The following ZNF35 variants were observed in gnomAD, a reference collection of about 807,000 sequenced individuals.
The protein encoded by ZNF35 is zinc finger protein 35.
Under a neutral mutation model 45.9 loss-of-function variants are expected in ZNF35, and 31 were observed. The ratio of observed to expected loss-of-function variants is 0.68; its 90% CI spans 0.51 to 0.91. The LOEUF (loss-of-function observed/expected upper bound fraction) is 0.91. Ranked by LOEUF, ZNF35 falls within the 40% of genes least tolerant of loss-of-function variation. The pLI, the probability that ZNF35 is intolerant of heterozygous loss-of-function variation, is 0.00. For missense variants in ZNF35, 515 were observed against 625.4 expected (o/e 0.82, Z 1.88); for synonymous variants, 205 against 220.2 (o/e 0.93, Z 0.61).
chr3:44,651,347 C>T (rs1006878224), intron 2 of ZNF35, 88 bp downstream of exon 2: 22 of 1,269,686 alleles, frequency 1.7e-5, no homozygotes, highest in East Asian at 7.2e-5. Context: ...TGCTTCCACA[C>T]CTGGAGTCTT....
chr3:44,660,411 A>G lies in ZNF35; in HGVS notation c.*464A>G, dbSNP rs1200110375. The G allele has an allele frequency of 6.5e-6, 1 of 153,684 alleles. No homozygotes were observed. Among genetic ancestry groups the G allele is most frequent in the Non-Finnish European group, 1.4e-5 (1 of 69,088 alleles). 9.5% of individuals were successfully genotyped at this position (153,684 alleles called of 1,614,324 possible). On this transcript the variant is annotated 3_prime_UTR_variant, in exon 4 of 4. Coordinates refer to ENST00000396056, the MANE Select transcript of ZNF35 (RefSeq NM_003420.4). The stretch of plus-strand genomic sequence containing the variant: ...GGAAACCACTTGGGGTAGCAGTTCA[A>G]CAATTCACTTACGAATGTTTATAAG...
chr3:44,650,707 G>A (rs1187050259), intron 1 of ZNF35, among the ~76,000 whole-genome samples: 1 of 152,046 alleles, frequency 6.6e-6, no homozygotes, highest in African/African-American at 2.4e-5. Flanking sequence ...TTTTAATCAG[G>A]AAAAAATCAA....
chr3:44,654,465 T>C (rs1703261563), intron 3 of ZNF35, among the ~76,000 whole-genome samples: 2 of 152,320 alleles, frequency 1.3e-5, no homozygotes, highest in South Asian at 4.1e-4. Flanking sequence ...GTTGGCGGCC[T>C]CCTTCCTATG....
chr3:44,659,627 G>A lies in ZNF35; in HGVS notation c.1264G>A (p.Glu422Lys), dbSNP rs145933265. 44 of 1,613,924 alleles carry A rather than the reference G, an allele frequency of 2.7e-5. No homozygotes were observed. Among genetic ancestry groups the A allele is most frequent in the Admixed American group, 1.5e-4 (9 of 60,020 alleles). The stretch of plus-strand genomic sequence containing the variant: ...TGCAGAGAAACCTTACGACTGCAGC[G>A]AATGTGGGAAAGCCTTCAGTCAGCT... ...HTAEKPYDCS[E>K]CGKAFSQLSC... is the part of the protein sequence containing the mutation. The change falls in exon 4 of 4, where the codon GAA becomes AAA. Residue 422 changes from glutamate (E) to lysine (K), a missense_variant. Physicochemically the swap from Glu to Lys is moderately conservative, Grantham distance 56. Around this residue, in one of 3 missense-constraint regions of ZNF35, gnomAD observed 232 missense variants for 304.6 expected, o/e 0.76. Transcript: ENST00000396056. The surrounding 1 kb of genome is among the most constrained non-coding windows in gnomAD (Gnocchi z 4.3).
chr3:44,652,437 G>A, intron 2 of ZNF35, 120 bp from the exon 3 acceptor site: 6 of 1,138,536 alleles, frequency 5.3e-6, no homozygotes, highest in Non-Finnish European at 7.1e-6. Context: ...TTCCTTTTCT[G>A]TTTTTAAAAA....
rs1199771650 is a variant in ZNF35, at chr3:44,660,135, C to G, written c.*188C>G. 18 of 547,096 alleles carry G rather than the reference C, an allele frequency of 3.3e-5. No individual in the cohort carries two copies. The highest frequency in any genetic ancestry group is 1.2e-5 in the Non-Finnish European group (4 of 335,492). 33.9% of individuals were successfully genotyped at this position (547,096 alleles called of 1,614,324 possible). A position where few individuals can be genotyped will look rare whatever the true frequency, so the allele number is the denominator to read the frequency against. On this transcript the variant is annotated 3_prime_UTR_variant, in exon 4 of 4. Transcript: ENST00000396056. Reference sequence around the variant, plus strand: ...AGGCTAATTTAAAACAAAAAGTAAGCACCTAAAGGCAAGGACTTTGTTTTA... The same window carrying G: ...AGGCTAATTTAAAACAAAAAGTAAGGACCTAAAGGCAAGGACTTTGTTTTA...
In ZNF35 at chr3:44,652,674, G is replaced by A. The variant is rs1436077326; in HGVS notation, c.310G>A (p.Glu104Lys). The A allele has an allele frequency of 5.6e-6, 9 of 1,608,018 alleles. No homozygotes were observed. The highest frequency in any genetic ancestry group is 7.6e-6 in the Non-Finnish European group (9 of 1,177,462). ...PGTLAKSEIL[E>K]THGTMNFLGA... ...GACTCTGGCCAAGAGTGAGATACTG[G>A]AGACTCATGGGACCATGAACTTTCT... is the stretch of plus-strand genomic sequence containing the variant. The change falls in exon 3 of 4, where the codon GAG (glutamate) becomes AAG (lysine). Residue 104 changes from glutamate to lysine, a missense_variant. Physicochemically the swap from Glu to Lys is moderately conservative, Grantham distance 56. Around this residue, in one of 3 missense-constraint regions of ZNF35, gnomAD observed 275 missense variants for 295.7 expected, o/e 0.93. Transcript: ENST00000396056.
intron 1 of ZNF35, among the ~76,000 whole-genome samples, chr3:44,650,674 T>G (rs781354770): frequency 1.3e-5 from 2 of 152,188 alleles, no homozygotes; most frequent in Non-Finnish European, 2.9e-5. Context: ...GCTTTTAAGT[T>G]TTTACAATAA....
rs1039851215 is a variant in ZNF35 at position 44,660,776 on chromosome 3, C to G, written c.*829C>G. The G allele has an allele frequency of 5.3e-5, 8 of 152,200 alleles. No homozygotes were observed. The highest frequency in any genetic ancestry group is 1.9e-4 in the African/African-American group (8 of 41,438). 9.4% of individuals were successfully genotyped at this position (152,200 alleles called of 1,614,324 possible). A position where few individuals can be genotyped will look rare whatever the true frequency, so the allele number is the denominator to read the frequency against. On this transcript the variant is annotated 3_prime_UTR_variant, in exon 4 of 4. Transcript: ENST00000396056. ...GAAGGAGTCAAAGAATAAAGCTTGC[C>G]TAGAGGCATGCCCCAGTTGTCTCTG...
chr3:44,647,926 T>C (rs2125833228), upstream of ZNF35: 1 of 152,316 alleles, frequency 6.6e-6, no homozygotes, highest in South Asian at 2.1e-4. Context: ...GTGCTATACC[T>C]ATACACACAT....
Position 44,652,646 on chromosome 3 carries a change from A to G in ZNF35, c.282A>G (p.Pro94=), listed in dbSNP as rs2125839450. Residue 94 remains proline, a synonymous_variant, in exon 3 of 4, where the codon CCA becomes CCG. Transcript: ENST00000396056. ...AASTLGSYSL[P]GTLAKSEILE... is the part of the protein sequence containing the mutation. The stretch of plus-strand genomic sequence containing the variant: ...CAACCCTTGGCAGCTACTCATTACC[A>G]GGGACTCTGGCCAAGAGTGAGATAC... 2 of 1,611,334 alleles carry G rather than the reference A, an allele frequency of 1.2e-6. No homozygotes were observed. Among genetic ancestry groups the G allele is most frequent in the Non-Finnish European group, 1.7e-6 (2 of 1,178,940 alleles).
At chr3:44,656,402 T>C (rs934975186) in intron 3 of ZNF35, among the ~76,000 whole-genome samples, 1 of 151,964 alleles carries the variant, frequency 6.6e-6, no homozygotes, top group African/African-American at 2.4e-5. Flanking sequence ...GATTTTTTTT[T>C]TTTTTTTGAG....
At position 44,659,911 on chromosome 3, in the gene ZNF35, C is replaced by G; in HGVS notation, c.1548C>G (p.His516Gln). The G allele has an allele frequency of 6.3e-7, 1 of 1,585,612 alleles. No individual in the cohort carries two copies. The highest frequency in any genetic ancestry group is 2.2e-5 in the East Asian group (1 of 44,628). ...GTGCAGCTTTCATTTCCAACTCACA[C>G]CTCATGCGACACCATAGAACCCATC... Reference protein sequence around the residue: ...KCGAAFISNSHLMRHHRTHLV... With the variant: ...KCGAAFISNSQLMRHHRTHLV... Residue 516 changes from histidine to glutamine, a missense_variant, in exon 4 of 4, where the codon CAC becomes CAG. Physicochemically the swap from His to Gln is conservative, Grantham distance 24. This residue lies in a region of ZNF35 where 232 missense variants were observed against 304.6 expected (regional missense o/e 0.76). Coordinates refer to ENST00000396056, the MANE Select transcript of ZNF35 (RefSeq NM_003420.4). The surrounding 1 kb of genome is among the most constrained non-coding windows in gnomAD (Gnocchi z 4.3).
Position 44,650,984 on chromosome 3 carries a change from G to A in ZNF35, c.-84G>A, listed in dbSNP as rs1229632646. 2 of 1,378,778 alleles carry A rather than the reference G, an allele frequency of 1.5e-6. No homozygotes were observed. Among genetic ancestry groups the A allele is most frequent in the Non-Finnish European group, 2.0e-6 (2 of 1,019,308 alleles). The allele number at this position is 1,378,778 out of a possible 1,614,324, so 85.4% of individuals were successfully genotyped here. On this transcript the variant is annotated 5_prime_UTR_variant, in exon 2 of 4. Transcript: ENST00000396056. ...GCCCTGGGAAGAAACTCAAGAAGAA[G>A]CTTTTGAAACATAAAGCTTGGATGG...
chr3:44,649,869 G>A (rs927852895), intron 1 of ZNF35, among the ~76,000 whole-genome samples: 6 of 152,178 alleles, frequency 3.9e-5, no homozygotes, highest in African/African-American at 1.4e-4. Flanking sequence ...AGTTCTATAT[G>A]TGTTGTATTG....
At chr3:44,652,803 C>T (rs1324826530) in intron 3 of ZNF35, 102 bp downstream of exon 3, 1 of 1,236,106 alleles carries the variant, frequency 8.1e-7, no homozygotes, top group Non-Finnish European at 1.1e-6. Flanking sequence ...CAACAGAGTA[C>T]TGAGGTATTG....
rs780746773 is a variant in ZNF35, at chr3:44,658,720, A to G, written c.357A>G (p.Leu119=). ...MNFLGAETKN[L]QLLVPKTEIC... is the part of the protein sequence containing the mutation. ...GTTCAGGTGCTGAAACCAAGAACCTACAGTTACTGGTTCCAAAAACTGAGA... is the reference window on the plus strand; with the variant it reads ...GTTCAGGTGCTGAAACCAAGAACCTGCAGTTACTGGTTCCAAAAACTGAGA... Residue 119 remains leucine, a synonymous_variant, in exon 4 of 4, where the codon CTA becomes CTG. Transcript: ENST00000396056. 1.9e-6 allele frequency: 3 copies of G among 1,573,966 alleles called. No homozygotes were observed. The highest frequency in any genetic ancestry group is 2.6e-6 in the Non-Finnish European group (3 of 1,168,544).
rs561807961 is a variant in ZNF35, at chr3:44,651,832, C to CAA, written c.192+588_192+589dup. Among the ~76,000 whole-genome samples the CAA allele has an allele frequency of 9.9e-3, 962 of 97,290 alleles. 12 individuals are homozygous for CAA. Among genetic ancestry groups the CAA allele is most frequent in the African/African-American group, 0.034 (920 of 26,960 alleles). 63.8% of individuals were successfully genotyped at this position (97,290 alleles called of 152,430 possible). On this transcript the variant is annotated intron_variant, in intron 2 of 3. Transcript: ENST00000396056. ...TGGGCAATAGAGTGAGACCCTGCCT[C>CAA]AAAAAAAAAAAAAAAAGAATCTAAG...
chr3:44,660,571 C>T lies in ZNF35; in HGVS notation c.*624C>T, dbSNP rs1226043715. ...CTTGGTATTGTAAAGATCTGGGGACCTCTGGGTCTGTTCTGACCATTCCCT... is the reference window on the plus strand; with the variant it reads ...CTTGGTATTGTAAAGATCTGGGGACTTCTGGGTCTGTTCTGACCATTCCCT... On this transcript the variant is annotated 3_prime_UTR_variant, in exon 4 of 4. Coordinates refer to ENST00000396056, the MANE Select transcript of ZNF35 (RefSeq NM_003420.4). 1 of 152,270 alleles carries T rather than the reference C, an allele frequency of 6.6e-6. No individual in the cohort carries two copies. Among genetic ancestry groups the T allele is most frequent in the African/African-American group, 2.4e-5 (1 of 41,422 alleles). 9.4% of individuals were successfully genotyped at this position (152,270 alleles called of 1,614,324 possible).
Sources: allele counts gnomAD v4.1 joint callset (sites outside exome capture counted in the v4.1 genomes callset), GRCh38; gene constraint gnomAD v4.1.1; regional missense constraint gnomAD v4.1.1; non-coding constraint Gnocchi (gnomAD v3.1); transcripts MANE v1.5; gene names NCBI Gene and HGNC (gene_info 2026-07-23, HGNC 2026-07-21).